SIK3: variants seen among roughly 807,000 people sequenced by gnomAD.
SIK3 encodes the protein SIK family kinase 3.
SIK3 carries 28 observed loss-of-function variants against 144.2 expected under a neutral mutation model. The observed-to-expected ratio is 0.19, with a 90% CI of 0.14 to 0.27. SIK3 has a LOEUF of 0.27. Ranked by LOEUF, SIK3 falls within the 10% of genes least tolerant of loss-of-function variation. SIK3 has a pLI of 1.00. For missense variants in SIK3, 1,319 were observed against 1,776.0 expected, an observed-to-expected ratio of 0.74 and a Z score of 4.62; for synonymous variants, 686 against 676.3, an observed-to-expected ratio of 1.01 and a Z score of -0.22.
At chr11:116,926,862 A>C (rs1194190259) in intron 4 of SIK3, among the ~76,000 whole-genome samples, 1 of 152,126 alleles carries the variant, frequency 6.6e-6, no homozygotes, top group Non-Finnish European at 1.5e-5. Context: ...CTCTACTAAA[A>C]GTATAAAAAT....
chr11:116,859,660 A>C (rs914457956), intron 19 of SIK3, 56 bp from the exon 20 acceptor site: 25 of 1,459,408 alleles, frequency 1.7e-5, no homozygotes, highest in Non-Finnish European at 2.3e-5. Context: ...GCCAGCCAGA[A>C]GTAATGAGAG....
intron 1 of SIK3, among the ~76,000 whole-genome samples, chr11:117,010,753 A>T (rs1167144969): frequency 6.6e-6 from 1 of 152,370 alleles, no homozygotes; most frequent in Non-Finnish European, 1.5e-5. Context: ...ATAATTTTTT[A>T]AAGAAAAAAA....
intron 19 of SIK3, 76 bp from the exon 20 acceptor site, chr11:116,859,680 A>C (rs1943203412): frequency 8.0e-7 from 1 of 1,256,316 alleles, no homozygotes; most frequent in Non-Finnish European, 1.1e-6. Context: ...GCTAATGAGA[A>C]TACTCAGACG....
At chr11:116,875,518 A>G in intron 9 of SIK3, 67 bp from the exon 10 acceptor site, 1 of 1,516,164 alleles carries the variant, frequency 6.6e-7, no homozygotes, top group Non-Finnish European at 9.0e-7. Context: ...AGTCTTTCCA[A>G]GTAGTCTTGA....
At chr11:116,946,440 T>C (rs1948592832) in intron 3 of SIK3, among the ~76,000 whole-genome samples, 1 of 152,128 alleles carries the variant, frequency 6.6e-6, no homozygotes, top group Non-Finnish European at 1.5e-5. Flanking sequence ...CACAGGGCAC[T>C]GCAAAGGGGA....
At chr11:117,033,211 C>A (rs573397297) in intron 1 of SIK3, among the ~76,000 whole-genome samples, 1 of 152,318 alleles carries the variant, frequency 6.6e-6, no homozygotes, top group Non-Finnish European at 1.5e-5. Flanking sequence ...ATATGCTGCA[C>A]TCCATCAAGT....
At chr11:116,864,678 C>G (rs945092540) in intron 15 of SIK3, 1 of 152,210 alleles carries the variant, frequency 6.6e-6, no homozygotes, top group Non-Finnish European at 1.5e-5. Context: ...CTGAGGTAAG[C>G]AGATAAAAGA....
At chr11:116,859,241 C>T (rs781538499) in intron 20 of SIK3, 24 bp downstream of exon 20, 1 of 1,577,870 alleles carries the variant, frequency 6.3e-7, no homozygotes, top group Admixed American at 1.7e-5. Context: ...GCATAGATGG[C>T]TGGGTGACGT....
At chr11:116,982,481 G>A (rs1950176627) in intron 1 of SIK3, among the ~76,000 whole-genome samples, 1 of 151,828 alleles carries the variant, frequency 6.6e-6, no homozygotes, top group Admixed American at 6.6e-5. Context: ...GTGGAGACAG[G>A]GTTTCACCAT....
chr11:116,988,372 C>G (rs1019338046), intron 1 of SIK3, among the ~76,000 whole-genome samples: 1 of 148,366 alleles, frequency 6.7e-6, no homozygotes, highest in African/African-American at 2.4e-5. Context: ...GGCAACAGAG[C>G]GAGACTCTGA....
chr11:117,010,937 T>C (rs759265450), intron 1 of SIK3, among the ~76,000 whole-genome samples: 4 of 152,046 alleles, frequency 2.6e-5, no homozygotes, highest in Non-Finnish European at 5.9e-5. Flanking sequence ...CTGGCCAACA[T>C]GGACAGATCC....
At chr11:116,899,968 CA>C (rs1166111622) in intron 4 of SIK3, among the ~76,000 whole-genome samples, 3 of 152,168 alleles carry the variant, frequency 2.0e-5, no homozygotes, top group Admixed American at 6.5e-5. Flanking sequence ...TGTTTTTCAG[CA>C]GGCTCTGCTG....
intron 1 of SIK3, among the ~76,000 whole-genome samples, chr11:116,988,287 A>G (rs10160755): frequency 0.14 from 21,771 of 151,818 alleles, 2,142 homozygotes; most frequent in African/African-American, 0.28. Context: ...TAGGGAGGCT[A>G]AGGCAGGAGA....
At chr11:116,943,769 T>C (rs1565482549) in intron 3 of SIK3, among the ~76,000 whole-genome samples, 1 of 152,168 alleles carries the variant, frequency 6.6e-6, no homozygotes, top group African/African-American at 2.4e-5. Flanking sequence ...CATCTTGAAC[T>C]TGTCTTTGCT....
chr11:117,016,613 A>G (rs1046533196), intron 1 of SIK3, among the ~76,000 whole-genome samples: 10 of 152,212 alleles, frequency 6.6e-5, no homozygotes, highest in African/African-American at 2.4e-4. Flanking sequence ...CAGGAGTTCA[A>G]GACCAGCCTG....
At chr11:117,095,688 C>G (rs142462043) in intron 1 of SIK3, among the ~76,000 whole-genome samples, 1 of 152,294 alleles carries the variant, frequency 6.6e-6, no homozygotes, top group African/African-American at 2.4e-5. Context: ...ATGGAGCAGG[C>G]CAAAATATGC....
chr11:117,091,189 G>A (rs150079727), intron 1 of SIK3, among the ~76,000 whole-genome samples: 1,386 of 124,994 alleles, frequency 0.011, 23 homozygotes, highest in African/African-American at 0.038. Flanking sequence ...AAATCCTGAG[G>A]TTTTTTTTTT....
At chr11:117,004,401 A>C (rs1950967801) in intron 1 of SIK3, among the ~76,000 whole-genome samples, 1 of 152,170 alleles carries the variant, frequency 6.6e-6, no homozygotes, top group Non-Finnish European at 1.5e-5. Flanking sequence ...CTGTGGTCCC[A>C]GCTACTCAGG....
At chr11:116,946,545 T>A (rs1002236555) in intron 3 of SIK3, among the ~76,000 whole-genome samples, 1 of 152,136 alleles carries the variant, frequency 6.6e-6, no homozygotes, top group Admixed American at 6.5e-5. Context: ...AATAAACAGA[T>A]CTTTGAGCTG....
Sources: allele counts gnomAD v4.1 joint callset (sites outside exome capture counted in the v4.1 genomes callset), GRCh38; gene constraint gnomAD v4.1.1; transcripts MANE v1.5; gene names NCBI Gene and HGNC (gene_info 2026-07-23, HGNC 2026-07-21).